MBOAT2: variants seen among roughly 807,000 people sequenced by gnomAD.
The protein encoded by MBOAT2 is membrane bound glycerophospholipid O-acyltransferase 2, also known as membrane-bound glycerophospholipid O-acyltransferase 2.
In MBOAT2, 28 loss-of-function variants were observed where a neutral mutation model predicts 63.4. The observed-to-expected ratio is 0.44, with a 90% CI of 0.33 to 0.61. MBOAT2 has a LOEUF of 0.61. Among genes scored for constraint, MBOAT2 ranks in the 20% least tolerant of loss-of-function variants. MBOAT2 has a pLI of 0.03. For missense variants in MBOAT2, 470 were observed against 605.8 expected (o/e 0.78, Z 2.35); for synonymous variants, 211 against 215.6 (o/e 0.98, Z 0.19).
intron 7 of MBOAT2, 150 bp downstream of exon 7, chr2:8,876,880 C>T (rs1662735936): frequency 7.3e-6 from 5 of 686,822 alleles, no homozygotes; most frequent in African/African-American, 1.9e-5. Context: ...CATGACTGTA[C>T]TTCTACCAGG....
At chr2:8,866,297 A>G (rs953968750) in intron 9 of MBOAT2, among the ~76,000 whole-genome samples, 7 of 152,178 alleles carry the variant, frequency 4.6e-5, no homozygotes, top group Non-Finnish European at 8.8e-5. Context: ...GTGTATCAAT[A>G]GGTATACAGA....
intron 1 of MBOAT2, among the ~76,000 whole-genome samples, chr2:8,964,341 T>C (rs912555019): frequency 1.3e-5 from 2 of 152,152 alleles, no homozygotes; most frequent in Admixed American, 1.3e-4. Context: ...TAATATTACA[T>C]TGCTGACATT....
Position 8,959,837 on chromosome 2 carries a change from A to G in MBOAT2, c.76-1195T>C, listed in dbSNP as rs117964148. On this transcript the variant is annotated intron_variant, in intron 1 of 12. Transcript: ENST00000305997. ...ATAATAGGCCTTAAAGTCTATAAATAAAGGAAAAAATCCATTGACATTAGG... is the reference window on the plus strand; with the variant it reads ...ATAATAGGCCTTAAAGTCTATAAATGAAGGAAAAAATCCATTGACATTAGG... Among the ~76,000 whole-genome samples, 49 of 152,334 alleles carry G rather than the reference A, an allele frequency of 3.2e-4. No individual in the cohort carries two copies. The East Asian group carries it at 9.4e-3, about 29-fold the overall frequency.
intron 2 of MBOAT2, among the ~76,000 whole-genome samples, chr2:8,948,609 C>T (rs1357757852): frequency 6.6e-6 from 1 of 152,160 alleles, no homozygotes; most frequent in Non-Finnish European, 1.5e-5. Context: ...TTTTCTGCTG[C>T]TATGTTAATT....
intron 3 of MBOAT2, among the ~76,000 whole-genome samples, chr2:8,940,481 T>C (rs1043842612): frequency 4.6e-5 from 7 of 152,064 alleles, no homozygotes; most frequent in African/African-American, 1.7e-4. Context: ...TTAGTAGAGA[T>C]GGGGTTTCCC....
intron 1 of MBOAT2, among the ~76,000 whole-genome samples, chr2:8,980,858 C>T (rs1311081220): frequency 6.6e-6 from 1 of 151,952 alleles, no homozygotes. Context: ...TAGGTATATA[C>T]ACAAGATAAC....
Position 9,003,513 on chromosome 2 carries a change from GC to G in MBOAT2, c.75+26del. ...CGGGGAGGGGCGGCGAGGGCGCGACGCCCGGCGCCAGGGCGCCTCGGGGTAC... is the reference window on the plus strand; with the variant it reads ...CGGGGAGGGGCGGCGAGGGCGCGACGCCGGCGCCAGGGCGCCTCGGGGTAC... On this transcript the variant is annotated intron_variant, in intron 1 of 12. Transcript: ENST00000305997. The surrounding 1 kb of genome is among the most constrained non-coding windows in gnomAD (Gnocchi z 5.4). The G allele has an allele frequency of 8.5e-7, 1 of 1,180,714 alleles. No individual in the cohort carries two copies. Among genetic ancestry groups the G allele is most frequent in the Non-Finnish European group, 1.0e-6 (1 of 955,474 alleles). The allele number at this position is 1,180,714 out of a possible 1,614,324, so 73.1% of individuals were successfully genotyped here. A position where few individuals can be genotyped will look rare whatever the true frequency, so the allele number is the denominator to read the frequency against.
chr2:8,935,653 A>G (rs1667608012), intron 3 of MBOAT2, among the ~76,000 whole-genome samples: 1 of 152,200 alleles, frequency 6.6e-6, no homozygotes, highest in South Asian at 2.1e-4. Flanking sequence ...AAGTTTACCT[A>G]TGTGCCCACA....
intron 4 of MBOAT2, chr2:8,908,391 C>T: frequency 1.0e-5 from 4 of 386,244 alleles, no homozygotes; most frequent in Non-Finnish European, 1.9e-5. Context: ...GACCTAAGAA[C>T]CAAAGGAAGT....
intron 3 of MBOAT2, among the ~76,000 whole-genome samples, chr2:8,931,629 C>T (rs1667325845): frequency 6.6e-6 from 1 of 152,058 alleles, no homozygotes; most frequent in African/African-American, 2.4e-5. Flanking sequence ...GTTGCAATTG[C>T]TTTTGATGTT....
intron 3 of MBOAT2, among the ~76,000 whole-genome samples, chr2:8,919,692 T>C (rs1666437102): frequency 6.6e-6 from 1 of 152,204 alleles, no homozygotes; most frequent in Non-Finnish European, 1.5e-5. Flanking sequence ...AAAGGTGTCT[T>C]TTGAATAGTA....
At chr2:8,958,476 A>G (rs1223475302) in intron 2 of MBOAT2, 21 bp downstream of exon 2, 11 of 1,555,130 alleles carry the variant, frequency 7.1e-6, no homozygotes, top group Non-Finnish European at 8.7e-6. Context: ...TCATTTTAAA[A>G]GGATCAAAAT....
rs1259157653 is a variant in MBOAT2, at chr2:8,958,580, T to C, written c.138A>G (p.Leu46=). The part of the protein sequence containing the change: ...LLAAIWFRTY[L]HSSKTSSFIR... ...TAAAAGAGCTAGTTTTGCTTGAATG[T>C]AGATAAGTTCGAAACCAAATGGCTG... Residue 46 remains leucine (L), a synonymous_variant, in exon 2 of 13, where the codon CTA becomes CTG. Transcript: ENST00000305997. 3.1e-6 allele frequency: 5 copies of C among 1,612,372 alleles called. No homozygotes were observed. Among genetic ancestry groups the C allele is most frequent in the Non-Finnish European group, 4.2e-6 (5 of 1,179,570 alleles).
intron 3 of MBOAT2, among the ~76,000 whole-genome samples, chr2:8,933,011 T>TAGGAAAAA (rs1667431536): frequency 6.6e-6 from 1 of 152,214 alleles, no homozygotes; most frequent in Admixed American, 6.5e-5. Flanking sequence ...CCCCTTTCAC[T>TAGGAAAAA]CATGCTTCTT....
intron 3 of MBOAT2, among the ~76,000 whole-genome samples, chr2:8,937,966 T>C (rs1044591506): frequency 3.0e-4 from 46 of 152,292 alleles, no homozygotes; most frequent in African/African-American, 1.1e-3. Context: ...AGCATGCGAC[T>C]GCCACCACGG....
chr2:8,930,368 A>G (rs1667231249), intron 3 of MBOAT2, among the ~76,000 whole-genome samples: 1 of 152,066 alleles, frequency 6.6e-6, no homozygotes, highest in Non-Finnish European at 1.5e-5. Flanking sequence ...GCTGAGAATG[A>G]TGGTTTCCAG....
chr2:8,956,743 A>G (rs1159504476), intron 2 of MBOAT2, among the ~76,000 whole-genome samples: 1 of 152,216 alleles, frequency 6.6e-6, no homozygotes, highest in East Asian at 1.9e-4. Context: ...TATAATTTGA[A>G]GTACTTCAGA....
In MBOAT2 at chr2:9,003,587, T is replaced by A; in HGVS notation, c.28A>T (p.Thr10Ser). MATTSTTGS[T>S]LLQPLSNAVQ... ...GCGTTGCTGAGGGGCTGCAGCAGGG[T>A]GGAGCCCGTGGTGCTGGTGGTGGCC... Residue 10 changes from threonine (T) to serine (S), a missense_variant, in exon 1 of 13, where the codon ACC becomes TCC. Transcript: ENST00000305997. The surrounding 1 kb of genome is among the most constrained non-coding windows in gnomAD (Gnocchi z 5.4). 8.2e-7 allele frequency: 1 copy of A among 1,222,724 alleles called. No homozygotes were observed. The highest frequency in any genetic ancestry group is 1.0e-6 in the Non-Finnish European group (1 of 976,020). The allele number at this position is 1,222,724 out of a possible 1,614,324, so 75.7% of individuals were successfully genotyped here. A position where few individuals can be genotyped will look rare whatever the true frequency, so the allele number is the denominator to read the frequency against.
intron 8 of MBOAT2, 51 bp from the exon 9 acceptor site, chr2:8,868,600 A>C (rs1175137523): frequency 7.2e-7 from 1 of 1,393,250 alleles, no homozygotes; most frequent in Non-Finnish European, 1.0e-6. Context: ...ATAACAATTT[A>C]CCATATTCTC....
Sources: allele counts gnomAD v4.1 joint callset (sites outside exome capture counted in the v4.1 genomes callset), GRCh38; gene constraint gnomAD v4.1.1; non-coding constraint Gnocchi (gnomAD v3.1); transcripts MANE v1.5; gene names NCBI Gene and HGNC (gene_info 2026-07-23, HGNC 2026-07-21).